The following ANGPTL2 variants were observed in gnomAD, a reference collection of about 807,000 sequenced individuals.
The protein encoded by ANGPTL2 is angiopoietin-related protein 2.
In ANGPTL2, 25 loss-of-function variants were observed where a neutral mutation model predicts 52.8. The observed-to-expected ratio is 0.47, with a 90% CI of 0.35 to 0.66. The LOEUF (loss-of-function observed/expected upper bound fraction) is 0.66. Among genes scored for constraint, ANGPTL2 ranks in the 30% least tolerant of loss-of-function variants. The probability of loss-of-function intolerance (pLI) is 0.01; values close to 1 mark genes in which losing one functional copy is unlikely to be tolerated. For missense variants in ANGPTL2, 546 were observed against 656.9 expected (o/e 0.83, Z 1.84); for synonymous variants, 276 against 277.4 (o/e 1.00, Z 0.05).
At chr9:127,096,772 A>G (rs1538501) in intron 2 of ANGPTL2, among the ~76,000 whole-genome samples, 3,725 of 152,302 alleles carry the variant, frequency 0.024, 56 homozygotes, top group Middle Eastern at 0.051. Context: ...TGGATTCCCA[A>G]AGTCCCAGGT....
intron 1 of ANGPTL2, among the ~76,000 whole-genome samples, chr9:127,120,323 A>G (rs1226771802): frequency 1.3e-5 from 2 of 152,176 alleles, no homozygotes; most frequent in Non-Finnish European, 2.9e-5. Context: ...CCTTTTGTTA[A>G]TATGTCTGCA....
rs1194511765 is a variant in ANGPTL2, at chr9:127,115,124, A to G, written c.-49-6344T>C. Among the ~76,000 whole-genome samples the G allele has an allele frequency of 3.3e-5, 5 of 152,286 alleles. No individual in the cohort carries two copies. In the South Asian group the frequency reaches 8.3e-4, roughly 25 times the overall value. ...TATCTCATTGGCTCTTAATAGCTCT[A>G]TGAGTAGGGGACCATACATCCTGGT... On this transcript the variant is annotated intron_variant, in intron 1 of 4. Transcript: ENST00000373425.
At chr9:127,098,359 C>G (rs1349077539) in intron 2 of ANGPTL2, among the ~76,000 whole-genome samples, 1 of 152,224 alleles carries the variant, frequency 6.6e-6, no homozygotes, top group Non-Finnish European at 1.5e-5. Flanking sequence ...CCAACACTAA[C>G]TCGGCAGCAC....
rs143268459 is a variant in ANGPTL2 at position 127,091,407 on chromosome 9, G to A, written c.1282+263C>T. The stretch of plus-strand genomic sequence containing the variant: ...CATTGGCCCCAGCTGGCCCTGGTAC[G>A]TGTGATTTGTATACCTCTTTATGTC... On this transcript the variant is annotated intron_variant, in intron 4 of 4. Coordinates refer to ENST00000373425, the MANE Select transcript of ANGPTL2 (RefSeq NM_012098.3). The surrounding 1 kb of genome is among the most constrained non-coding windows in gnomAD (Gnocchi z 4.3). 2.6e-4 allele frequency among the ~76,000 whole-genome samples: 40 copies of A among 152,268 alleles called. No individual in the cohort carries two copies. Among genetic ancestry groups the A allele is most frequent in the African/African-American group, 9.6e-4 (40 of 41,556 alleles).
Position 127,089,049 on chromosome 9 carries a change from A to G in ANGPTL2, c.1372T>C (p.Tyr458His), listed in dbSNP as rs1476429623. The G allele has an allele frequency of 1.2e-6, 2 of 1,614,084 alleles. No individual in the cohort carries two copies. Among genetic ancestry groups the G allele is most frequent in the African/African-American group, 1.3e-5 (1 of 74,934 alleles). Residue 458 changes from tyrosine to histidine, a missense_variant, in exon 5 of 5, where the codon TAC (tyrosine) becomes CAC (histidine). By Grantham distance (83) the Tyr-to-His change is moderately conservative. Transcript: ENST00000373425. ...LNGVWYRGGH[Y>H]RSRYQDGVYW... ...ACTCCGTCCTGGTAGCGGCTCCGGT[A>G]ATGGCCCCCGCGGTACCAGACCCCG...
chr9:127,094,400 A>G (rs2052867649), intron 2 of ANGPTL2, among the ~76,000 whole-genome samples: 1 of 151,984 alleles, frequency 6.6e-6, no homozygotes, highest in Non-Finnish European at 1.5e-5. Flanking sequence ...CTGCAAGGAA[A>G]CTCAGTTCCA....
Position 127,105,895 on chromosome 9 carries a change from T to C in ANGPTL2, c.817+2020A>G, listed in dbSNP as rs116236001. ...GCATGTAGTAGGGGCTCAGCAAATG[T>C]TGGCTTTACTACATGACATAATGTT... On this transcript the variant is annotated intron_variant, in intron 2 of 4. Coordinates refer to ENST00000373425, the MANE Select transcript of ANGPTL2 (RefSeq NM_012098.3). 2.8e-3 allele frequency among the ~76,000 whole-genome samples: 432 copies of C among 152,344 alleles called. 2 individuals are homozygous for C. Among genetic ancestry groups the C allele is most frequent in the African/African-American group, 9.8e-3 (406 of 41,578 alleles).
Position 127,091,567 on chromosome 9 carries a change from C to T in ANGPTL2, c.1282+103G>A, listed in dbSNP as rs527628974. On this transcript the variant is annotated intron_variant, in intron 4 of 4. Transcript: ENST00000373425. This position sits in a 1 kb window ranked among gnomAD's most constrained non-coding sequence, Gnocchi z 4.3. ...CAGGCAGCTTGGCCCAGCTGCTTCT[C>T]ACCCTGGGATCTTCCCGTTTCCAAG... 3.4e-4 allele frequency: 506 copies of T among 1,476,878 alleles called. No homozygotes were observed. Among genetic ancestry groups the T allele is most frequent in the Non-Finnish European group, 4.3e-4 (468 of 1,100,190 alleles). The allele number at this position is 1,476,878 out of a possible 1,614,324, so 91.5% of individuals were successfully genotyped here.
chr9:127,099,427 A>G (rs968941404), intron 2 of ANGPTL2, among the ~76,000 whole-genome samples: 2 of 152,238 alleles, frequency 1.3e-5, no homozygotes, highest in African/African-American at 4.8e-5. Context: ...AACAGGAGAA[A>G]TGACTAACTG....
intron 2 of ANGPTL2, among the ~76,000 whole-genome samples, chr9:127,099,444 T>C (rs1474635712): frequency 2.0e-5 from 3 of 152,208 alleles, no homozygotes; most frequent in African/African-American, 4.8e-5. Context: ...ACTGTTGAAA[T>C]TGGATCTGCA....
chr9:127,121,464 C>A (rs1372865203), intron 1 of ANGPTL2, among the ~76,000 whole-genome samples: 1 of 152,226 alleles, frequency 6.6e-6, no homozygotes, highest in Non-Finnish European at 1.5e-5. Context: ...AGATGCTTTT[C>A]CAAGTAACTG....
Position 127,091,548 on chromosome 9 carries a change from G to T in ANGPTL2, c.1282+122C>A. The T allele has an allele frequency of 7.3e-7, 1 of 1,371,620 alleles. No individual in the cohort carries two copies. Among genetic ancestry groups the T allele is most frequent in the Non-Finnish European group, 9.9e-7 (1 of 1,010,948 alleles). 85.0% of individuals were successfully genotyped at this position (1,371,620 alleles called of 1,614,324 possible). Reference sequence around the variant, plus strand: ...CAGGGGGTGGTAACAGGGTCAGGCAGCTTGGCCCAGCTGCTTCTCACCCTG... The same window carrying T: ...CAGGGGGTGGTAACAGGGTCAGGCATCTTGGCCCAGCTGCTTCTCACCCTG... On this transcript the variant is annotated intron_variant, in intron 4 of 4. Coordinates refer to ENST00000373425, the MANE Select transcript of ANGPTL2 (RefSeq NM_012098.3). The surrounding 1 kb of genome is among the most constrained non-coding windows in gnomAD (Gnocchi z 4.3).
intron 2 of ANGPTL2, among the ~76,000 whole-genome samples, chr9:127,105,681 GC>G: frequency 6.6e-6 from 1 of 152,240 alleles, no homozygotes; most frequent in Non-Finnish European, 1.5e-5. Context: ...AGAAATTTTG[GC>G]CTCGACGGAT....
At position 127,104,411 on chromosome 9, in the gene ANGPTL2, A is replaced by G. The variant is rs139497220; in HGVS notation, c.817+3504T>C. On this transcript the variant is annotated intron_variant, in intron 2 of 4. Coordinates refer to ENST00000373425, the MANE Select transcript of ANGPTL2 (RefSeq NM_012098.3). Reference sequence around the variant, plus strand: ...TGCTCTATCCTTTGCCTCTTAGAGAATGACCCCTGGAGCCTTCCTCTTCTA... The same window carrying G: ...TGCTCTATCCTTTGCCTCTTAGAGAGTGACCCCTGGAGCCTTCCTCTTCTA... Among the ~76,000 whole-genome samples the G allele has an allele frequency of 5.3e-4, 81 of 152,336 alleles. 1 individual carries two copies. In the East Asian group the frequency reaches 0.015, roughly 29 times the overall value.
chr9:127,107,582 C>G (rs73595424), intron 2 of ANGPTL2, among the ~76,000 whole-genome samples: 8,923 of 152,286 alleles, frequency 0.059, 883 homozygotes, highest in African/African-American at 0.2. Flanking sequence ...GAGAGACATT[C>G]TCTTCTATCT....
At chr9:127,119,537 G>A (rs1466346053) in intron 1 of ANGPTL2, among the ~76,000 whole-genome samples, 2 of 152,198 alleles carry the variant, frequency 1.3e-5, no homozygotes, top group Non-Finnish European at 2.9e-5. Context: ...TTAACCTCTC[G>A]AGACTTAGTT....
At position 127,093,938 on chromosome 9, in the gene ANGPTL2, G is replaced by T; in HGVS notation, c.818-12C>A. The T allele has an allele frequency of 6.2e-7, 1 of 1,612,796 alleles. No homozygotes were observed. The highest frequency in any genetic ancestry group is 1.1e-5 in the South Asian group (1 of 90,998). On this transcript the variant is annotated splice_polypyrimidine_tract_variant and intron_variant, in intron 2 of 4. Transcript: ENST00000373425. Reference sequence around the variant, plus strand: ...GTCTCTCCATGGGCCTGGGGACACAGACATGCATATACATCACAGACCTGC... The same window carrying T: ...GTCTCTCCATGGGCCTGGGGACACATACATGCATATACATCACAGACCTGC...
chr9:127,089,401 T>C (rs2052175127), intron 4 of ANGPTL2, among the ~76,000 whole-genome samples: 1 of 152,170 alleles, frequency 6.6e-6, no homozygotes, highest in African/African-American at 2.4e-5. Flanking sequence ...AAAATGAGAA[T>C]AAAAATGACG....
At chr9:127,105,713 A>G (rs993455554) in intron 2 of ANGPTL2, among the ~76,000 whole-genome samples, 13 of 152,162 alleles carry the variant, frequency 8.5e-5, no homozygotes, top group Admixed American at 5.9e-4. Context: ...AGAGAAATCC[A>G]TTGTCAGATC....
Sources: gnomAD v4.1 joint callset for allele counts (sites outside exome capture counted in the v4.1 genomes callset) on GRCh38, gnomAD v4.1.1 for gene constraint, Gnocchi (gnomAD v3.1) non-coding constraint, MANE v1.5 for transcripts, NCBI Gene and HGNC (gene_info 2026-07-23, HGNC 2026-07-21) for gene names.